The following CNTN6 variants were observed in gnomAD, a reference collection of about 807,000 sequenced individuals.
CNTN6 encodes the protein contactin-6.
In CNTN6, 137 loss-of-function variants were observed where a neutral mutation model predicts 122.8. The observed-to-expected ratio is 1.12, with a 90% CI of 0.97 to 1.29. The LOEUF (loss-of-function observed/expected upper bound fraction) is 1.29, where lower values mean the gene tolerates loss of function less well. Ranked by LOEUF, CNTN6 falls within the 50% of genes most tolerant of loss-of-function variation. The pLI, the probability that CNTN6 is intolerant of heterozygous loss-of-function variation, is 0.00. For missense variants in CNTN6, 1,634 were observed against 1,223.4 expected, an observed-to-expected ratio of 1.34 and a Z score of -5.01; for synonymous variants, 570 against 426.0, an observed-to-expected ratio of 1.34 and a Z score of -4.16.
intron 11 of CNTN6, among the ~76,000 whole-genome samples, chr3:1,334,638 A>C (rs1398565726): frequency 6.6e-6 from 1 of 152,036 alleles, no homozygotes; most frequent in Non-Finnish European, 1.5e-5. Context: ...GTGAACTGTC[A>C]AAACAGCTAA....
Position 1,213,874 on chromosome 3 carries a change from C to A in CNTN6, c.56-6813C>A, listed in dbSNP as rs578061617. On this transcript the variant is annotated intron_variant, in intron 2 of 22. Transcript: ENST00000446702. ...AGGTTAAAAGATACAATGAATGATA[C>A]AAAGAGGTCAGAGTGCCTTTGTTTG... Among the ~76,000 whole-genome samples, 21 of 151,978 alleles carry A rather than the reference C, an allele frequency of 1.4e-4. No homozygotes were observed. In the South Asian group the frequency reaches 4.4e-3, roughly 32 times the overall value.
At position 1,135,200 on chromosome 3, in the gene CNTN6, T is replaced by C. The variant is rs534683364; in HGVS notation, c.-82-12727T>C. 8.4e-4 allele frequency among the ~76,000 whole-genome samples: 128 copies of C among 151,950 alleles called. 1 individual carries two copies. In the Middle Eastern group the frequency reaches 0.017, roughly 20 times the overall value. ...ATGAATAATGCATTTTCTCACTCTT[T>C]TTTATTTTTATTATTTCAAAATTCT... On this transcript the variant is annotated intron_variant, in intron 1 of 22. Transcript: ENST00000446702.
At chr3:1,306,857 C>G (rs1331489337) in intron 7 of CNTN6, among the ~76,000 whole-genome samples, 1 of 152,128 alleles carries the variant, frequency 6.6e-6, no homozygotes, top group East Asian at 1.9e-4. Flanking sequence ...TGTTAAGGGA[C>G]TTCCCCAGAA....
chr3:1,270,991 C>A (rs186768662), intron 4 of CNTN6, among the ~76,000 whole-genome samples: 79 of 152,272 alleles, frequency 5.2e-4, no homozygotes, highest in Non-Finnish European at 2.2e-4. Flanking sequence ...CTCACTGCAA[C>A]CTCTGCTTCC....
chr3:1,310,915 C>T (rs1273060408), intron 7 of CNTN6, among the ~76,000 whole-genome samples: 5 of 151,930 alleles, frequency 3.3e-5, no homozygotes, highest in South Asian at 4.1e-4. Context: ...GCAGGAGAAT[C>T]GCTTGAACCC....
chr3:1,183,478 A>G (rs2093587228), intron 2 of CNTN6, among the ~76,000 whole-genome samples: 1 of 152,108 alleles, frequency 6.6e-6, no homozygotes, highest in African/African-American at 2.4e-5. Context: ...TAAGTACCAA[A>G]GTATTTCACA....
chr3:1,384,796 T>TATATATAC lies in CNTN6; in HGVS notation c.2518-814_2518-813insTATATACA, dbSNP rs1224742660. 7.8e-4 allele frequency among the ~76,000 whole-genome samples: 105 copies of TATATATAC among 133,764 alleles called. 1 individual carries two copies. The East Asian group carries it at 0.013, about 17-fold the overall frequency. The allele number at this position is 133,764 out of a possible 152,430, so 87.8% of individuals were successfully genotyped here. On this transcript the variant is annotated intron_variant, in intron 19 of 22. Coordinates refer to ENST00000446702, the MANE Select transcript of CNTN6 (RefSeq NM_001289080.2). ...ACATATATATATATATATATATATA[T>TATATATAC]ACACACACACACACACATATATATA...
In CNTN6 at chr3:1,245,309, TA is replaced by T. The variant is rs1238151265; in HGVS notation, c.358+17317del. On this transcript the variant is annotated intron_variant, in intron 4 of 22. Transcript: ENST00000446702. ...TATATATATAACATATATATATATA[TA>T]TATATATATATATATATATATATAT... Among the ~76,000 whole-genome samples, 5 of 14,528 alleles carry T rather than the reference TA, an allele frequency of 3.4e-4. 2 individuals are homozygous for T. Among genetic ancestry groups the T allele is most frequent in the African/African-American group, 8.4e-4 (3 of 3,552 alleles). 9.5% of individuals were successfully genotyped at this position (14,528 alleles called of 152,430 possible).
chr3:1,372,776 A>C, intron 13 of CNTN6, 62 bp from the exon 14 acceptor site: 1 of 983,644 alleles, frequency 1.0e-6, no homozygotes, highest in Non-Finnish European at 1.6e-6. Context: ...CAGCTGTAAC[A>C]ATAAAGTAGG....
intron 5 of CNTN6, among the ~76,000 whole-genome samples, chr3:1,288,898 C>G (rs929390881): frequency 1.3e-5 from 2 of 152,162 alleles, no homozygotes; most frequent in African/African-American, 2.4e-5. Flanking sequence ...CAATTGCTTA[C>G]TGCAGATCTG....
chr3:1,124,857 T>C (rs186331870), intron 1 of CNTN6, among the ~76,000 whole-genome samples: 4 of 152,070 alleles, frequency 2.6e-5, no homozygotes, highest in Non-Finnish European at 5.9e-5. Context: ...ACACCAGCAT[T>C]GCCCATGCCA....
At chr3:1,329,555 C>A (rs1017165615) in intron 10 of CNTN6, among the ~76,000 whole-genome samples, 1 of 151,784 alleles carries the variant, frequency 6.6e-6, no homozygotes, top group African/African-American at 2.4e-5. Flanking sequence ...ATCATTTAAT[C>A]TCCACACTAA....
At chr3:1,304,339 C>T (rs867171205) in intron 7 of CNTN6, among the ~76,000 whole-genome samples, 2 of 151,820 alleles carry the variant, frequency 1.3e-5, no homozygotes, top group African/African-American at 4.8e-5. Context: ...ATACTAATTA[C>T]GGAGGTAAAT....
At chr3:1,318,209 G>C (rs1700379647) in intron 7 of CNTN6, among the ~76,000 whole-genome samples, 1 of 151,662 alleles carries the variant, frequency 6.6e-6, no homozygotes, top group Non-Finnish European at 1.5e-5. Flanking sequence ...CATGTCTCTT[G>C]CGTTTCTTGC....
intron 2 of CNTN6, among the ~76,000 whole-genome samples, chr3:1,158,425 G>A (rs941573436): frequency 1.8e-4 from 27 of 152,152 alleles, no homozygotes; most frequent in African/African-American, 6.3e-4. Context: ...TATATATTCT[G>A]GTTATTAGTC....
At chr3:1,354,829 A>T (rs977982327) in intron 12 of CNTN6, among the ~76,000 whole-genome samples, 5 of 151,568 alleles carry the variant, frequency 3.3e-5, no homozygotes, top group African/African-American at 7.3e-5. Flanking sequence ...ATCAAAGAAA[A>T]AAACCAACCT....
At chr3:1,399,719 T>C (rs1695441008) in intron 20 of CNTN6, among the ~76,000 whole-genome samples, 1 of 152,090 alleles carries the variant, frequency 6.6e-6, no homozygotes, top group Non-Finnish European at 1.5e-5. Flanking sequence ...TTAGCCACCT[T>C]ATTGTACAGT....
intron 8 of CNTN6, among the ~76,000 whole-genome samples, chr3:1,323,737 C>G (rs962541492): frequency 6.6e-6 from 1 of 151,606 alleles, no homozygotes; most frequent in Admixed American, 6.6e-5. Context: ...CTTTTCATAA[C>G]CAGTCAATAT....
intron 2 of CNTN6, chr3:1,173,358 A>G: frequency 4.4e-6 from 2 of 455,282 alleles, no homozygotes; most frequent in South Asian, 3.1e-5. Context: ...TGCCTTTACT[A>G]AGCTTTACAG....
Sources: gnomAD v4.1 joint callset for allele counts (sites outside exome capture counted in the v4.1 genomes callset) on GRCh38, gnomAD v4.1.1 for gene constraint, MANE v1.5 for transcripts, NCBI Gene and HGNC (gene_info 2026-07-23, HGNC 2026-07-21) for gene names.